CRB1: variants seen among roughly 807,000 people sequenced by gnomAD.
CRB1 encodes the protein protein crumbs homolog 1.
In CRB1, 83 loss-of-function variants were observed where a neutral mutation model predicts 120.0. That is an observed-to-expected ratio of 0.69 (90% CI 0.58 to 0.83). The LOEUF (loss-of-function observed/expected upper bound fraction) is 0.83, where lower values mean the gene tolerates loss of function less well. Among genes scored for constraint, CRB1 ranks in the 40% least tolerant of loss-of-function variants. The probability of loss-of-function intolerance (pLI) is 0.00; values close to 1 mark genes in which losing one functional copy is unlikely to be tolerated. For missense variants in CRB1, 1,699 were observed against 1,687.6 expected (o/e 1.01, Z -0.12); for synonymous variants, 625 against 612.5 (o/e 1.02, Z -0.30).
Position 197,442,305 on chromosome 1 carries a change from T to G in CRB1, c.4005+13T>G. The G allele has an allele frequency of 6.2e-7, 1 of 1,614,170 alleles. No homozygotes were observed. Among genetic ancestry groups the G allele is most frequent in the Non-Finnish European group, 8.5e-7 (1 of 1,180,030 alleles). On this transcript the variant is annotated intron_variant, in intron 11 of 11. Coordinates refer to ENST00000367400, the MANE Select transcript of CRB1 (RefSeq NM_201253.3). ...CTGCGAGGTGGACGTAAGCAGCCTC[T>G]CCTTTTATGTCTCTCTCTTATTCTG...
At chr1:197,341,473 G>A (rs1659454680) in intron 2 of CRB1, among the ~76,000 whole-genome samples, 1 of 152,032 alleles carries the variant, frequency 6.6e-6, no homozygotes, top group African/African-American at 2.4e-5. Context: ...AACCTGGGAG[G>A]CAGAGGTTGC....
At chr1:197,363,137 T>G (rs1044391032) in intron 5 of CRB1, among the ~76,000 whole-genome samples, 11 of 25,366 alleles carry the variant, frequency 4.3e-4, no homozygotes, top group South Asian at 5.7e-3. Flanking sequence ...CTATTTAGGT[T>G]TTTTTTTTTT....
chr1:197,346,046 GA>G (rs926874472), intron 3 of CRB1, among the ~76,000 whole-genome samples: 3 of 152,082 alleles, frequency 2.0e-5, no homozygotes, highest in African/African-American at 7.2e-5. Flanking sequence ...ACTGTTTCCA[GA>G]AAGCATCAGG....
In CRB1 at chr1:197,352,847, AACT is replaced by A. The variant is rs1330135146; in HGVS notation, c.989-3982_989-3980del. ...ATGATCTCATTTAGGTGTTTATTAA[AACT>A]AATACAAAATGAGCAAACACATTAC... On this transcript the variant is annotated intron_variant, in intron 4 of 11. Coordinates refer to ENST00000367400, the MANE Select transcript of CRB1 (RefSeq NM_201253.3). 3.9e-5 allele frequency among the ~76,000 whole-genome samples: 6 copies of A among 152,258 alleles called. No individual in the cohort carries two copies. The East Asian group carries it at 1.2e-3, about 29-fold the overall frequency.
chr1:197,394,025 T>C (rs189637202), intron 5 of CRB1, among the ~76,000 whole-genome samples: 29 of 152,232 alleles, frequency 1.9e-4, no homozygotes, highest in African/African-American at 6.5e-4. Flanking sequence ...GGTGGCACTA[T>C]ATATAGTTGA....
intron 1 of CRB1, among the ~76,000 whole-genome samples, chr1:197,271,762 G>C (rs1452419791): frequency 6.6e-6 from 1 of 151,892 alleles, no homozygotes; most frequent in Non-Finnish European, 1.5e-5. Context: ...TGTTCTGAAG[G>C]GTTTTAAAGA....
At chr1:197,280,349 C>T (rs1476816382) in intron 1 of CRB1, among the ~76,000 whole-genome samples, 3 of 151,796 alleles carry the variant, frequency 2.0e-5, no homozygotes, top group Admixed American at 6.6e-5. Context: ...AAGTAGGTTC[C>T]ACCTGTGAAT....
chr1:197,239,331 C>A, the CRB1 span, among the ~76,000 whole-genome samples: 1 of 152,038 alleles, frequency 6.6e-6, no homozygotes, highest in Non-Finnish European at 1.5e-5. Context: ...AAATTCCCAA[C>A]TATAATTACA....
intron 5 of CRB1, among the ~76,000 whole-genome samples, chr1:197,381,519 T>C (rs565287450): frequency 1.2e-4 from 18 of 152,348 alleles, no homozygotes; most frequent in African/African-American, 4.3e-4. Flanking sequence ...CAGGCATCAA[T>C]TTAATCTGCA....
rs182313368 is a variant in CRB1 at position 197,344,574 on chromosome 1, A to G, written c.848+98A>G. ...TTTAGAGCTCTCACGTTCTCGGCTT[A>G]AAATTTGGGGTGTAACTTTATACTT... On this transcript the variant is annotated intron_variant, in intron 3 of 11. Coordinates refer to ENST00000367400, the MANE Select transcript of CRB1 (RefSeq NM_201253.3). 152 of 1,175,820 alleles carry G rather than the reference A, an allele frequency of 1.3e-4. No individual in the cohort carries two copies. In the East Asian group the frequency reaches 2.1e-3, roughly 17 times the overall value. The allele number at this position is 1,175,820 out of a possible 1,614,324, so 72.8% of individuals were successfully genotyped here. A position where few individuals can be genotyped will look rare whatever the true frequency, so the allele number is the denominator to read the frequency against.
At chr1:197,357,188 T>C in intron 5 of CRB1, 175 bp downstream of exon 5, 1 of 701,254 alleles carries the variant, frequency 1.4e-6, no homozygotes, top group Non-Finnish European at 2.6e-6. Flanking sequence ...TCAGAATTCC[T>C]CAAATCACGA....
Position 197,332,170 on chromosome 1 carries a change from C to CA in CRB1, c.652+3175dup, listed in dbSNP as rs200681901. Among the ~76,000 whole-genome samples, 526 of 151,648 alleles carry CA rather than the reference C, an allele frequency of 3.5e-3. 1 individual carries two copies. Among genetic ancestry groups the CA allele is most frequent in the African/African-American group, 0.012 (492 of 41,366 alleles). On this transcript the variant is annotated intron_variant, in intron 2 of 11. Transcript: ENST00000367400. ...AACAAAAAACAAAAAACAAAACAAA[C>CA]AAAAAAAACAGCTAGAAAGAGTATA...
At chr1:197,232,572 A>G in the CRB1 span, among the ~76,000 whole-genome samples, 1 of 152,140 alleles carries the variant, frequency 6.6e-6, no homozygotes, top group Admixed American at 6.6e-5. Context: ...CTATACAATG[A>G]AAAGAAATCA....
intron 11 of CRB1, among the ~76,000 whole-genome samples, chr1:197,448,514 C>T (rs1266632348): frequency 6.6e-6 from 1 of 152,180 alleles, no homozygotes; most frequent in Non-Finnish European, 1.5e-5. Context: ...TCATTTCTTA[C>T]CTGTGCTCTC....
chr1:197,434,715 A>T lies in CRB1; in HGVS notation c.2852A>T (p.Asn951Ile), dbSNP rs1419776426. 6.2e-7 allele frequency: 1 copy of T among 1,613,020 alleles called. No homozygotes were observed. Among genetic ancestry groups the T allele is most frequent in the Non-Finnish European group, 8.5e-7 (1 of 1,179,302 alleles). Reference protein sequence around the residue: ...PVLQGFECIANAVFNGQSGQI... With the variant: ...PVLQGFECIAIAVFNGQSGQI... ...CACCTTCTCTCATTAGGTATTGCAA[A>T]TGCTGTTTTTAATGGACAAAGCGGT... The change falls in exon 9 of 12, where the codon AAT (asparagine) becomes ATT (isoleucine). Residue 951 changes from asparagine to isoleucine, a missense_variant. Asn to Ile is a moderately radical substitution (Grantham distance 149). Coordinates refer to ENST00000367400, the MANE Select transcript of CRB1 (RefSeq NM_201253.3).
chr1:197,432,835 A>G (rs1056479709), intron 8 of CRB1, among the ~76,000 whole-genome samples: 2 of 152,126 alleles, frequency 1.3e-5, no homozygotes, highest in Non-Finnish European at 2.9e-5. Context: ...TTTGAGCGAT[A>G]TTAACACTAA....
At chr1:197,472,019 T>TG (rs1358428749) in intron 11 of CRB1, among the ~76,000 whole-genome samples, 4 of 152,232 alleles carry the variant, frequency 2.6e-5, no homozygotes, top group African/African-American at 4.8e-5. Flanking sequence ...CCAACTGGCA[T>TG]GTTAAAGACA....
intron 5 of CRB1, among the ~76,000 whole-genome samples, chr1:197,362,812 G>A (rs1051393236): frequency 1.3e-5 from 2 of 151,980 alleles, no homozygotes; most frequent in African/African-American, 2.4e-5. Context: ...AAATTGTTGG[G>A]TCATGCTTTT....
intron 2 of CRB1, among the ~76,000 whole-genome samples, chr1:197,340,041 T>C (rs1450229500): frequency 6.6e-6 from 1 of 152,106 alleles, no homozygotes; most frequent in Non-Finnish European, 1.5e-5. Flanking sequence ...GTGTTAAAGG[T>C]CAAAGGCCCT....
Sources: gnomAD v4.1 joint callset for allele counts (sites outside exome capture counted in the v4.1 genomes callset) on GRCh38, gnomAD v4.1.1 for gene constraint, MANE v1.5 for transcripts, NCBI Gene and HGNC (gene_info 2026-07-23, HGNC 2026-07-21) for gene names.